The following EHBP1 variants were observed in gnomAD, a reference collection of about 807,000 sequenced individuals.
The protein encoded by EHBP1 is EH domain binding protein 1.
A neutral mutation model predicts 144.0 loss-of-function variants in EHBP1; 55 were observed. The ratio of observed to expected loss-of-function variants is 0.38; its 90% confidence interval spans 0.31 to 0.48. The LOEUF is 0.48. Ranked by LOEUF, EHBP1 falls within the 20% of genes least tolerant of loss-of-function variation. The probability of loss-of-function intolerance (pLI) is 0.98; values close to 1 mark genes in which losing one functional copy is unlikely to be tolerated. For synonymous variants in EHBP1, 469 were observed against 472.7 expected (o/e 0.99, Z 0.10); for missense variants, 1,200 against 1,364.2 (o/e 0.88, Z 1.90).
intron 15 of EHBP1, among the ~76,000 whole-genome samples, chr2:62,985,739 A>G (rs561096882): frequency 1.3e-4 from 20 of 152,300 alleles, no homozygotes; most frequent in Admixed American, 5.2e-4. Context: ...TTGAAATTCT[A>G]TACATTTCTC....
intron 10 of EHBP1, among the ~76,000 whole-genome samples, chr2:62,924,969 T>G (rs1332376792): frequency 6.6e-6 from 1 of 152,070 alleles, no homozygotes; most frequent in African/African-American, 2.4e-5. Context: ...ACTAACAAAT[T>G]GAGCGCAACA....
Position 62,925,835 on chromosome 2 carries a change from G to A in EHBP1, c.1186-16883G>A, listed in dbSNP as rs187800704. Among the ~76,000 whole-genome samples, 64 of 152,122 alleles carry A rather than the reference G, an allele frequency of 4.2e-4. 2 individuals are homozygous for A. The highest frequency in any genetic ancestry group is 3.8e-3 in the Admixed American group (58 of 15,276). On this transcript the variant is annotated intron_variant, in intron 10 of 22. Transcript: ENST00000431489. Reference sequence around the variant, plus strand: ...TTAAAATGACCATGTAGCCCAAAGCGATCTACAGATTAAATGCAATATCTA... The same window carrying A: ...TTAAAATGACCATGTAGCCCAAAGCAATCTACAGATTAAATGCAATATCTA...
intron 10 of EHBP1, among the ~76,000 whole-genome samples, chr2:62,888,508 G>T (rs1371305599): frequency 6.6e-6 from 1 of 152,206 alleles, no homozygotes; most frequent in Non-Finnish European, 1.5e-5. Flanking sequence ...GCCTGTCACA[G>T]TTTTCTGAGA....
chr2:63,022,056 G>A (rs563255902), intron 19 of EHBP1, among the ~76,000 whole-genome samples: 6 of 152,122 alleles, frequency 3.9e-5, no homozygotes, highest in South Asian at 2.1e-4. Flanking sequence ...GTGAGCCACC[G>A]CGCCCGGCAT....
intron 19 of EHBP1, among the ~76,000 whole-genome samples, chr2:63,032,004 G>T (rs144931609): frequency 7.2e-4 from 110 of 151,922 alleles, no homozygotes; most frequent in African/African-American, 2.5e-3. Context: ...ATTTTTTTCC[G>T]TAATGACTAC....
At chr2:62,718,290 TA>T (rs2035881096) in intron 2 of EHBP1, among the ~76,000 whole-genome samples, 1 of 152,224 alleles carries the variant, frequency 6.6e-6, no homozygotes, top group Non-Finnish European at 1.5e-5. Flanking sequence ...TGCTGTCTAG[TA>T]CAGAGGGAAC....
At chr2:62,676,634 C>CG (rs1344529576) in intron 1 of EHBP1, among the ~76,000 whole-genome samples, 1 of 151,954 alleles carries the variant, frequency 6.6e-6, no homozygotes, top group Non-Finnish European at 1.5e-5. Context: ...TCATTATTTT[C>CG]GTTTTCTAGG....
At chr2:62,833,027 A>C in intron 7 of EHBP1, among the ~76,000 whole-genome samples, 1 of 152,164 alleles carries the variant, frequency 6.6e-6, no homozygotes, top group East Asian at 1.9e-4. Context: ...TAAAAGTTCT[A>C]CCCCAGTGAA....
rs112768988 is a variant in EHBP1, at chr2:62,843,314, C to T, written c.634+12156C>T. 4.9e-4 allele frequency among the ~76,000 whole-genome samples: 75 copies of T among 152,114 alleles called. 1 individual carries two copies. The highest frequency in any genetic ancestry group is 1.2e-4 in the Non-Finnish European group (8 of 68,016). ...TATCTTGTTCCATTTGACGTTTAAT[C>T]ACATAGTATCTTGTACAGGGTAGAG... On this transcript the variant is annotated intron_variant, in intron 7 of 22. Coordinates refer to ENST00000431489, the MANE Select transcript of EHBP1 (RefSeq NM_001142616.3).
At chr2:62,745,458 A>C (rs979651458) in intron 2 of EHBP1, among the ~76,000 whole-genome samples, 1 of 152,052 alleles carries the variant, frequency 6.6e-6, no homozygotes, top group Non-Finnish European at 1.5e-5. Flanking sequence ...GTGATAAATT[A>C]GGGGTTTACT....
chr2:62,843,007 A>G (rs2048028255), intron 7 of EHBP1, among the ~76,000 whole-genome samples: 1 of 152,212 alleles, frequency 6.6e-6, no homozygotes, highest in Non-Finnish European at 1.5e-5. Flanking sequence ...AACATATACT[A>G]TTCCTTATTT....
chr2:62,748,417 G>T (rs2152169500), intron 3 of EHBP1, among the ~76,000 whole-genome samples: 1 of 152,222 alleles, frequency 6.6e-6, no homozygotes, highest in African/African-American at 2.4e-5. Flanking sequence ...ACTTTGGGAG[G>T]CCAAGGCAGG....
intron 5 of EHBP1, among the ~76,000 whole-genome samples, chr2:62,803,494 A>G (rs1355915033): frequency 2.0e-5 from 3 of 152,148 alleles, no homozygotes; most frequent in Non-Finnish European, 2.9e-5. Context: ...TGAAAATGCT[A>G]TCTAATCATT....
chr2:63,018,267 G>A (rs1238602175), intron 19 of EHBP1, among the ~76,000 whole-genome samples: 3 of 151,972 alleles, frequency 2.0e-5, no homozygotes, highest in Admixed American at 6.6e-5. Flanking sequence ...TTTAATTCTT[G>A]TCTTTCTATA....
chr2:62,701,059 C>T (rs921237243), upstream of EHBP1, among the ~76,000 whole-genome samples: 1 of 152,184 alleles, frequency 6.6e-6, no homozygotes, highest in Non-Finnish European at 1.5e-5. Flanking sequence ...AATCCACTAG[C>T]ATCCAGCTCT....
intron 10 of EHBP1, among the ~76,000 whole-genome samples, chr2:62,936,565 A>G (rs1188521698): frequency 2.6e-5 from 4 of 151,900 alleles, no homozygotes; most frequent in African/African-American, 9.7e-5. Flanking sequence ...CTACCTCTCA[A>G]CTCACTCTTC....
intron 19 of EHBP1, among the ~76,000 whole-genome samples, chr2:63,022,557 C>T (rs749616928): frequency 2.0e-5 from 3 of 151,934 alleles, no homozygotes; most frequent in African/African-American, 4.8e-5. Flanking sequence ...TCAGGTGATC[C>T]GCCTGCCTCC....
chr2:62,879,735 T>TA (rs2051231372), intron 10 of EHBP1, among the ~76,000 whole-genome samples: 1 of 152,084 alleles, frequency 6.6e-6, no homozygotes, highest in African/African-American at 2.4e-5. Context: ...AAAAACATTA[T>TA]ATGCTCATGG....
chr2:62,754,761 C>G (rs955154480), intron 3 of EHBP1, among the ~76,000 whole-genome samples: 3 of 152,232 alleles, frequency 2.0e-5, no homozygotes, highest in Non-Finnish European at 2.9e-5. Flanking sequence ...ATGGGCAGGG[C>G]TCTGTGGGCG....
Sources: gnomAD v4.1 joint callset for allele counts (sites outside exome capture counted in the v4.1 genomes callset) on GRCh38, gnomAD v4.1.1 for gene constraint, MANE v1.5 for transcripts, NCBI Gene and HGNC (gene_info 2026-07-23, HGNC 2026-07-21) for gene names.